Variants in FGF13 observed in about 807,000 individuals in gnomAD.
FGF13 encodes the protein fibroblast growth factor homologous factor 2.
FGF13 carries 2 observed loss-of-function variants against 19.5 expected under a neutral mutation model. That is an observed-to-expected ratio of 0.10 (90% CI 0.04 to 0.32). FGF13 has a LOEUF of 0.32. FGF13 is among the 10% of genes least tolerant of loss of function. FGF13 has a pLI of 1.00. For synonymous variants in FGF13, 72 were observed against 76.9 expected (o/e 0.94, Z 0.33); for missense variants, 113 against 192.7 (o/e 0.59, Z 2.45).
chrX:138,877,099 C>A (rs910851799), intron 1 of FGF13, among the ~76,000 whole-genome samples: 1 of 111,494 alleles, frequency 9.0e-6, no homozygotes, highest in Non-Finnish European at 1.9e-5. Context: ...GAACAACACA[C>A]ACCAGGGCCT....
Position 139,072,872 on chromosome X carries a change from T to C in FGF13, c.-113+130544A>G, listed in dbSNP as rs139766131. On this transcript the variant is annotated intron_variant, in intron 1 of 2. Coordinates refer to the FGF13 transcript ENST00000421460. Reference sequence around the variant, plus strand: ...TTAGATTTATACTGGGCCTCCTCATTCTACTTCCATGTCCTTGAACCTCTT... The same window carrying C: ...TTAGATTTATACTGGGCCTCCTCATCCTACTTCCATGTCCTTGAACCTCTT... 7.4e-3 allele frequency among the ~76,000 whole-genome samples: 831 copies of C among 112,037 alleles called. 11 individuals carry two copies. Among genetic ancestry groups the C allele is most frequent in the African/African-American group, 0.026 (798 of 30,901 alleles).
At chrX:138,751,751 G>C (rs1255602894) in intron 3 of FGF13, among the ~76,000 whole-genome samples, 1 of 111,462 alleles carries the variant, frequency 9.0e-6, no homozygotes, top group African/African-American at 3.3e-5. Context: ...GTGTATCCAT[G>C]GTCAAAAGTA....
chrX:138,956,274 C>G (rs1174061660), intron 1 of FGF13, among the ~76,000 whole-genome samples: 1 of 111,812 alleles, frequency 8.9e-6, no homozygotes, highest in African/African-American at 3.3e-5. Context: ...AAAATGGAAA[C>G]AGTTCACAAA....
intron 3 of FGF13, among the ~76,000 whole-genome samples, chrX:138,649,665 A>G (rs1048137892): frequency 2.7e-5 from 3 of 112,397 alleles, no homozygotes; most frequent in African/African-American, 9.7e-5. Flanking sequence ...AGTTGTTCAG[A>G]AAAGAAGACA....
chrX:139,026,103 C>T (rs1458169300), intron 1 of FGF13, among the ~76,000 whole-genome samples: 2 of 111,077 alleles, frequency 1.8e-5, no homozygotes, highest in Non-Finnish European at 3.8e-5. Context: ...CCCCAACTTC[C>T]CTGCCCTTAC....
chrX:138,842,386 C>T (rs1025897420), intron 3 of FGF13, among the ~76,000 whole-genome samples: 1 of 110,066 alleles, frequency 9.1e-6, no homozygotes, highest in Non-Finnish European at 1.9e-5. Context: ...TACTGGAGAG[C>T]CTTATATAAT....
chrX:138,881,133 C>A (rs1202784892), intron 1 of FGF13, among the ~76,000 whole-genome samples: 1 of 111,553 alleles, frequency 9.0e-6, no homozygotes, highest in Non-Finnish European at 1.9e-5. Flanking sequence ...GTGTGCAAGT[C>A]TTTTACCTCC....
At chrX:139,175,838 C>G (rs1345413616) in intron 1 of FGF13, among the ~76,000 whole-genome samples, 1 of 112,049 alleles carries the variant, frequency 8.9e-6, no homozygotes, top group Non-Finnish European at 1.9e-5. Context: ...CTATGTTCAT[C>G]ATGGATATTG....
chrX:139,038,611 T>A (rs1036429509), intron 1 of FGF13, among the ~76,000 whole-genome samples: 6 of 112,007 alleles, frequency 5.4e-5, no homozygotes, highest in Non-Finnish European at 9.4e-5. Flanking sequence ...TCTTTCTATA[T>A]GCTGTTCCCT....
intron 1 of FGF13, among the ~76,000 whole-genome samples, chrX:138,892,365 A>C (rs1307323065): frequency 8.9e-6 from 1 of 111,894 alleles, no homozygotes; most frequent in Non-Finnish European, 1.9e-5. Flanking sequence ...TGTCTGACAC[A>C]AAGCAAACAA....
chrX:139,067,736 C>A (rs184235032), intron 1 of FGF13, among the ~76,000 whole-genome samples: 8 of 112,053 alleles, frequency 7.1e-5, no homozygotes, highest in Admixed American at 6.6e-4. Context: ...TAACTGCTAT[C>A]CCCATCAAGC....
chrX:138,894,339 A>C (rs2091492285), intron 1 of FGF13, among the ~76,000 whole-genome samples: 1 of 109,957 alleles, frequency 9.1e-6, no homozygotes, highest in African/African-American at 3.4e-5. Flanking sequence ...AGACACAAAA[A>C]ACCCTTCAAA....
intron 1 of FGF13, among the ~76,000 whole-genome samples, chrX:138,977,845 A>G (rs780347645): frequency 8.9e-6 from 1 of 112,510 alleles, no homozygotes; most frequent in African/African-American, 3.2e-5. Flanking sequence ...GATTTAAGGT[A>G]ATTGACAAAA....
chrX:138,892,014 G>GTGT (rs370113798), intron 1 of FGF13, among the ~76,000 whole-genome samples: 5 of 105,232 alleles, frequency 4.8e-5, no homozygotes, highest in African/African-American at 1.5e-4. Flanking sequence ...GTGTGTGTGT[G>GTGT]TGTGTGTGTG....
At chrX:138,856,078 G>A (rs777210089), downstream of FGF13, among the ~76,000 whole-genome samples, 1 of 109,969 alleles carries the variant, frequency 9.1e-6, no homozygotes, top group African/African-American at 3.3e-5. Flanking sequence ...AAATTTTTTT[G>A]TTTCATTAAA....
intron 1 of FGF13, among the ~76,000 whole-genome samples, chrX:139,064,826 T>A (rs1203397222): frequency 1.8e-5 from 2 of 111,725 alleles, no homozygotes; most frequent in African/African-American, 6.5e-5. Flanking sequence ...GTAGATTTGG[T>A]CTTTTCACAT....
chrX:138,972,830 C>A (rs2091924304), intron 1 of FGF13, among the ~76,000 whole-genome samples: 1 of 111,012 alleles, frequency 9.0e-6, no homozygotes, highest in Admixed American at 9.5e-5. Context: ...CTATTTAGAT[C>A]TTTTGTCCAC....
At chrX:139,168,060 T>C (rs1016731435) in intron 1 of FGF13, among the ~76,000 whole-genome samples, 21 of 112,230 alleles carry the variant, frequency 1.9e-4, no homozygotes, top group African/African-American at 5.5e-4. Flanking sequence ...TATGAGAGAA[T>C]GGTTTATAGA....
intron 1 of FGF13, among the ~76,000 whole-genome samples, chrX:138,988,173 A>G (rs1030800098): frequency 2.7e-5 from 3 of 111,512 alleles, no homozygotes; most frequent in Non-Finnish European, 5.7e-5. Context: ...TCCTTTGTTA[A>G]CACCTTCCTC....
Sources: allele counts gnomAD v4.1 joint callset (sites outside exome capture counted in the v4.1 genomes callset), GRCh38; gene constraint gnomAD v4.1.1; transcripts MANE v1.5; gene names NCBI Gene and HGNC (gene_info 2026-07-23, HGNC 2026-07-21).